Variants in UGT2B7 observed in about 807,000 individuals in gnomAD.
UGT2B7 encodes the protein UDP-glucuronosyltransferase 2B7.
Under a neutral mutation model 51.9 loss-of-function variants are expected in UGT2B7, and 51 were observed. The ratio of observed to expected loss-of-function variants is 0.98; its 90% CI spans 0.78 to 1.24. The LOEUF is 1.24. UGT2B7 is among the 50% of genes most tolerant of loss of function. The probability of loss-of-function intolerance (pLI) is 0.00; values close to 1 mark genes in which losing one functional copy is unlikely to be tolerated. For missense variants in UGT2B7, 727 were observed against 628.4 expected (o/e 1.16, Z -1.68); for synonymous variants, 225 against 211.6 (o/e 1.06, Z -0.55).
rs1560499749 is a variant in UGT2B7 at position 69,064,092 on chromosome 4, GAAAGAGAAAGAAAGAAAGAA to G, written c.-159+12496_-159+12515del. 2.4e-3 allele frequency among the ~76,000 whole-genome samples: 231 copies of G among 98,110 alleles called. 4 individuals carry two copies. Among genetic ancestry groups the G allele is most frequent in the East Asian group, 9.6e-3 (27 of 2,812 alleles). 64.4% of individuals were successfully genotyped at this position (98,110 alleles called of 152,430 possible). On this transcript the variant is annotated intron_variant, in intron 1 of 5. Transcript: ENST00000502942. ...AGAAAGAAAGAAAGAAAGAAAGAAAGAAAGAGAAAGAAAGAAAGAAAAAGAAAGAAAGAAAGAAAGAAAGA... is the reference window on the plus strand; with the variant it reads ...AGAAAGAAAGAAAGAAAGAAAGAAAGAAAGAAAGAAAGAAAGAAAGAAAGA...
chr4:69,109,040 G>GT (rs140295993), intron 5 of UGT2B7, among the ~76,000 whole-genome samples: 105 of 143,860 alleles, frequency 7.3e-4, no homozygotes, highest in East Asian at 1.5e-3. Flanking sequence ...ATTTTTTGTT[G>GT]TTTTTTTTTT....
intron 1 of UGT2B7, among the ~76,000 whole-genome samples, chr4:69,086,331 A>G (rs1028829603): frequency 2.0e-5 from 3 of 151,624 alleles, no homozygotes; most frequent in Non-Finnish European, 4.4e-5. Context: ...GTTTTATTCC[A>G]TTGTGGAAAA....
At chr4:69,107,990 A>C in intron 4 of UGT2B7, 113 bp from the exon 5 acceptor site, 1 of 1,378,940 alleles carries the variant, frequency 7.3e-7, no homozygotes, top group Non-Finnish European at 1.0e-6. Context: ...CTGAAACACA[A>C]TTTTAATTTA....
rs138733571 is a variant in UGT2B7 at position 69,097,248 on chromosome 4, A to AT, written c.721+14dup. 87,547 of 1,598,770 alleles carry AT rather than the reference A, an allele frequency of 0.055. 2,667 individuals carry two copies. Among genetic ancestry groups the AT allele is most frequent in the Middle Eastern group, 0.082 (490 of 5,974 alleles). On this transcript the variant is annotated splice_region_variant and intron_variant, in intron 1 of 5. Coordinates refer to ENST00000305231, the MANE Select transcript of UGT2B7 (RefSeq NM_001074.4). ...TTTTATAGTGAAGTTCTAGGTAAGT[A>AT]TTTTTTTCAATCAGTAACATGAAGC... is the stretch of plus-strand genomic sequence containing the variant.
chr4:69,066,689 G>C (rs1298186186), intron 1 of UGT2B7, among the ~76,000 whole-genome samples: 1 of 151,964 alleles, frequency 6.6e-6, no homozygotes, highest in Non-Finnish European at 1.5e-5. Flanking sequence ...ATTATACATA[G>C]TCACATTCTT....
chr4:69,064,202 C>G (rs759984482), intron 1 of UGT2B7, among the ~76,000 whole-genome samples: 1 of 152,292 alleles, frequency 6.6e-6, no homozygotes, highest in East Asian at 1.9e-4. Flanking sequence ...GACGCAGCAA[C>G]GGGTGCAGCC....
At chr4:69,088,436 A>G (rs756130475) in intron 1 of UGT2B7, among the ~76,000 whole-genome samples, 1 of 151,868 alleles carries the variant, frequency 6.6e-6, no homozygotes, top group Non-Finnish European at 1.5e-5. Flanking sequence ...AATTTTACGG[A>G]GCATCTGAAC....
chr4:69,095,868 T>C (rs1309451024), upstream of UGT2B7, among the ~76,000 whole-genome samples: 3 of 152,154 alleles, frequency 2.0e-5, no homozygotes, highest in African/African-American at 7.2e-5. Context: ...TATGATTCTA[T>C]GCATTAAAAA....
At chr4:69,101,647 T>A (rs1274213816) in intron 2 of UGT2B7, among the ~76,000 whole-genome samples, 3 of 151,834 alleles carry the variant, frequency 2.0e-5, no homozygotes, top group Non-Finnish European at 4.4e-5. Context: ...AATCATATTT[T>A]AAAAAAACAC....
At chr4:69,078,433 T>C (rs1718765758) in intron 1 of UGT2B7, among the ~76,000 whole-genome samples, 1 of 152,166 alleles carries the variant, frequency 6.6e-6, no homozygotes, top group Admixed American at 6.6e-5. Context: ...GTCCTGGACT[T>C]TTTTTGGTTG....
intron 1 of UGT2B7, among the ~76,000 whole-genome samples, chr4:69,075,263 C>T (rs1361868786): frequency 6.6e-6 from 1 of 152,136 alleles, no homozygotes; most frequent in Admixed American, 6.6e-5. Context: ...AGGCTTGTGG[C>T]TTGCTTAGCA....
upstream of UGT2B7, chr4:69,096,420 G>A: frequency 6.4e-7 from 1 of 1,563,658 alleles, no homozygotes. Flanking sequence ...TGACTTATAA[G>A]GGTTACATTT....
chr4:69,053,844 G>C (rs1365446809), intron 1 of UGT2B7, among the ~76,000 whole-genome samples: 3 of 152,190 alleles, frequency 2.0e-5, no homozygotes, highest in Admixed American at 2.0e-4. Flanking sequence ...TGCTGAATAA[G>C]TAGAGTGGCA....
Position 69,102,870 on chromosome 4 carries a change from A to G in UGT2B7, c.934A>G (p.Met312Val), listed in dbSNP as rs767539882. The stretch of plus-strand genomic sequence containing the variant: ...TGTTGTGGTGTTTTCTCTGGGGTCA[A>G]TGGTCAGTAACATGACAGAAGAAAG... ...NGVVVFSLGSMVSNMTEERAN... is the reference protein window; with the variant it reads ...NGVVVFSLGSVVSNMTEERAN... Residue 312 changes from methionine to valine, a missense_variant, in exon 3 of 6, where the codon ATG (methionine) becomes GTG (valine). Coordinates refer to ENST00000305231, the MANE Select transcript of UGT2B7 (RefSeq NM_001074.4). 62 of 1,613,588 alleles carry G rather than the reference A, an allele frequency of 3.8e-5. No individual in the cohort carries two copies. The highest frequency in any genetic ancestry group is 4.8e-5 in the Non-Finnish European group (57 of 1,179,760).
chr4:69,100,119 A>C (rs1425060697), intron 2 of UGT2B7, among the ~76,000 whole-genome samples: 1 of 152,086 alleles, frequency 6.6e-6, no homozygotes, highest in Non-Finnish European at 1.5e-5. Flanking sequence ...CAGCATAAAC[A>C]TACCCTATGA....
In UGT2B7 at chr4:69,108,254, A is replaced by G. The variant is rs753837836; in HGVS notation, c.1242A>G (p.Arg414=). The G allele has an allele frequency of 6.2e-7, 1 of 1,613,750 alleles. No homozygotes were observed. The stretch of plus-strand genomic sequence containing the variant: ...TGAAGGCCAGGGGAGCAGCTGTTAG[A>G]GTGGACTTCAACACAATGTCGAGTA... ...AHMKARGAAV[R]VDFNTMSSTD... Residue 414 remains arginine, a synonymous_variant, in exon 5 of 6, where the codon AGA becomes AGG. Transcript: ENST00000305231.
At chr4:69,062,826 A>AT (rs912641183) in intron 1 of UGT2B7, among the ~76,000 whole-genome samples, 2 of 152,192 alleles carry the variant, frequency 1.3e-5, no homozygotes, top group Non-Finnish European at 2.9e-5. Context: ...AGATGAATAA[A>AT]TGTGGCCAGA....
At chr4:69,086,385 T>G (rs1205639882) in intron 1 of UGT2B7, among the ~76,000 whole-genome samples, 1 of 151,910 alleles carries the variant, frequency 6.6e-6, no homozygotes, top group African/African-American at 2.4e-5. Context: ...AGACTTATTT[T>G]GACCTAAAAT....
intron 1 of UGT2B7, among the ~76,000 whole-genome samples, chr4:69,097,833 A>G (rs1449946293): frequency 6.6e-6 from 1 of 152,058 alleles, no homozygotes; most frequent in Non-Finnish European, 1.5e-5. Context: ...TTAAAGTCCA[A>G]TCATCTTGTT....
Sources: allele counts gnomAD v4.1 joint callset (sites outside exome capture counted in the v4.1 genomes callset), GRCh38; gene constraint gnomAD v4.1.1; transcripts MANE v1.5; gene names NCBI Gene and HGNC (gene_info 2026-07-23, HGNC 2026-07-21).